The following ERBIN variants were observed in gnomAD, a reference collection of about 807,000 sequenced individuals.
ERBIN encodes the protein densin-180-like protein.
In ERBIN, 60 loss-of-function variants were observed where a neutral mutation model predicts 158.4. That is an observed-to-expected ratio of 0.38 (90% CI 0.31 to 0.47). The LOEUF (loss-of-function observed/expected upper bound fraction) is 0.47. Among genes scored for constraint, ERBIN ranks in the 20% least tolerant of loss-of-function variants. ERBIN has a pLI of 0.99. For missense variants in ERBIN, 1,610 were observed against 1,648.0 expected (o/e 0.98, Z 0.40); for synonymous variants, 594 against 557.2 (o/e 1.07, Z -0.93).
intron 7 of ERBIN, among the ~76,000 whole-genome samples, chr5:66,016,867 G>A (rs920585603): frequency 1.3e-5 from 2 of 151,882 alleles, no homozygotes; most frequent in South Asian, 2.1e-4. Context: ...CGCCCTCCTC[G>A]GCTTCCCAGA....
chr5:65,992,994 A>G, intron 3 of ERBIN, 87 bp downstream of exon 3: 1 of 1,078,546 alleles, frequency 9.3e-7, no homozygotes, highest in East Asian at 2.8e-5. Context: ...TAAAGTTGCC[A>G]ATATATTTGT....
chr5:65,963,667 G>GT (rs1441584927), intron 1 of ERBIN, among the ~76,000 whole-genome samples: 4 of 152,100 alleles, frequency 2.6e-5, no homozygotes, highest in African/African-American at 9.7e-5. Context: ...AAATGAGAAT[G>GT]TATTGTTCCT....
At chr5:65,965,382 GTTTTTTTT>G (rs200847060) in intron 1 of ERBIN, among the ~76,000 whole-genome samples, 3 of 96,044 alleles carry the variant, frequency 3.1e-5, no homozygotes, top group Admixed American at 1.2e-4. Context: ...GTTTTTTGTT[GTTTTTTTT>G]TTTTTTTTTT....
At chr5:65,935,287 C>G (rs1418552964) in intron 1 of ERBIN, among the ~76,000 whole-genome samples, 1 of 152,072 alleles carries the variant, frequency 6.6e-6, no homozygotes, top group Non-Finnish European at 1.5e-5. Flanking sequence ...CATTGTAAAT[C>G]GAGGAGCATC....
chr5:65,977,258 C>T (rs1332631661), intron 1 of ERBIN, among the ~76,000 whole-genome samples: 2 of 151,132 alleles, frequency 1.3e-5, no homozygotes, highest in Non-Finnish European at 3.0e-5. Context: ...GACCCCCCCA[C>T]CTCCCTCCCG....
intron 1 of ERBIN, among the ~76,000 whole-genome samples, chr5:65,952,567 A>G (rs1314360530): frequency 6.6e-6 from 1 of 151,474 alleles, no homozygotes; most frequent in Admixed American, 6.6e-5. Flanking sequence ...TTTTTTCTAG[A>G]TTAACAATTG....
chr5:65,997,861 T>C (rs756507073), intron 4 of ERBIN, among the ~76,000 whole-genome samples: 1 of 152,164 alleles, frequency 6.6e-6, no homozygotes, highest in Non-Finnish European at 1.5e-5. Flanking sequence ...TTAGGGCTTA[T>C]TAGAATTCAT....
chr5:65,941,319 A>AG (rs1240259534), intron 1 of ERBIN, among the ~76,000 whole-genome samples: 3 of 57,554 alleles, frequency 5.2e-5, no homozygotes, highest in Non-Finnish European at 1.8e-4. Flanking sequence ...TCAATAAAAA[A>AG]AAAAAAAAAA....
chr5:66,011,546 G>A lies in ERBIN; in HGVS notation c.308-503G>A, dbSNP rs1467666834. 2.0e-5 allele frequency among the ~76,000 whole-genome samples: 3 copies of A among 152,256 alleles called. No individual in the cohort carries two copies. The East Asian group carries it at 5.8e-4, about 29-fold the overall frequency. On this transcript the variant is annotated intron_variant, in intron 4 of 25. Transcript: ENST00000284037. ...CTACTGAAATACAAAAATTAGCTGG[G>A]CATGGTGGCGGGCGCCTGTAATCTC...
chr5:65,941,013 C>G (rs961602232), intron 1 of ERBIN, among the ~76,000 whole-genome samples: 1 of 152,036 alleles, frequency 6.6e-6, no homozygotes, highest in Non-Finnish European at 1.5e-5. Context: ...ATCGGTGACC[C>G]TACCCCCAAC....
At chr5:65,954,483 A>C (rs1746862653) in intron 1 of ERBIN, among the ~76,000 whole-genome samples, 1 of 152,188 alleles carries the variant, frequency 6.6e-6, no homozygotes. Flanking sequence ...TTTTGGTTAC[A>C]TGTGGACCTG....
At chr5:65,980,913 C>A (rs1201509090) in intron 1 of ERBIN, among the ~76,000 whole-genome samples, 1 of 152,126 alleles carries the variant, frequency 6.6e-6, no homozygotes, top group Non-Finnish European at 1.5e-5. Context: ...ATTGGTAAGG[C>A]TATAGAAGAT....
chr5:66,038,590 GAAT>G (rs961877918), intron 15 of ERBIN, 108 bp downstream of exon 15: 13 of 723,414 alleles, frequency 1.8e-5, no homozygotes, highest in Non-Finnish European at 2.9e-5. Flanking sequence ...GGACTTCAGA[GAAT>G]TGACCAAAAC....
intron 15 of ERBIN, among the ~76,000 whole-genome samples, chr5:66,039,858 A>G (rs904903594): frequency 1.3e-5 from 2 of 151,920 alleles, no homozygotes; most frequent in African/African-American, 4.8e-5. Flanking sequence ...TTATCTCACA[A>G]ATCTTCTAAT....
intron 18 of ERBIN, among the ~76,000 whole-genome samples, chr5:66,047,923 G>A (rs1758607566): frequency 6.6e-6 from 1 of 151,896 alleles, no homozygotes; most frequent in Admixed American, 6.6e-5. Context: ...TTAAATGAAT[G>A]CAAATATATA....
At chr5:65,934,187 C>T (rs187248214) in intron 1 of ERBIN, among the ~76,000 whole-genome samples, 61 of 152,314 alleles carry the variant, frequency 4.0e-4, no homozygotes, top group Non-Finnish European at 7.5e-4. Context: ...TGAGCCACCG[C>T]GCCCAGCCCG....
chr5:65,948,011 A>AG (rs1745998136), intron 1 of ERBIN, among the ~76,000 whole-genome samples: 1 of 17,286 alleles, frequency 5.8e-5, no homozygotes, highest in South Asian at 6.0e-3. Flanking sequence ...ACTGCATTTC[A>AG]AAAAAAAAAA....
At chr5:65,990,319 T>C (rs1227193347) in intron 2 of ERBIN, among the ~76,000 whole-genome samples, 4 of 152,226 alleles carry the variant, frequency 2.6e-5, no homozygotes, top group African/African-American at 9.6e-5. Context: ...GACGATGGAA[T>C]GAGAGTCTGC....
At chr5:65,937,630 C>T (rs773989383) in intron 1 of ERBIN, among the ~76,000 whole-genome samples, 10 of 152,042 alleles carry the variant, frequency 6.6e-5, no homozygotes, top group African/African-American at 9.7e-5. Context: ...AATTCTTGGC[C>T]GGGTGCGGTG....
Sources: gnomAD v4.1 joint callset for allele counts (sites outside exome capture counted in the v4.1 genomes callset) on GRCh38, gnomAD v4.1.1 for gene constraint, MANE v1.5 for transcripts, NCBI Gene and HGNC (gene_info 2026-07-23, HGNC 2026-07-21) for gene names.